The following RRP36 variants were observed in gnomAD, a reference collection of about 807,000 sequenced individuals.
The protein encoded by RRP36 is ribosomal RNA processing 36.
In RRP36, 44 loss-of-function variants were observed where a neutral mutation model predicts 39.8. That is an observed-to-expected ratio of 1.10 (90% CI 0.87 to 1.42). The LOEUF is 1.42. Ranked by LOEUF, RRP36 falls within the 40% of genes most tolerant of loss-of-function variation. RRP36 has a pLI of 0.00. For synonymous variants in RRP36, 124 were observed against 123.1 expected (o/e 1.01, Z -0.05); for missense variants, 316 against 322.4 (o/e 0.98, Z 0.15).
rs1762869878 is a variant in RRP36, at chr6:43,029,189, A to G, written c.741A>G (p.Ala247=). 1 of 1,614,140 alleles carries G rather than the reference A, an allele frequency of 6.2e-7. No individual in the cohort carries two copies. The change falls in exon 7 of 7, where the codon GCA becomes GCG. Residue 247 remains alanine (A), a synonymous_variant. Transcript: ENST00000244496. The part of the protein sequence containing the change: ...NFLSRKRRRN[A]GKDRRHLPLS... ...TGAGTCGAAAGAGGCGACGAAATGC[A>G]GGCAAGGACAGGAGACATCTCCCTT... is the stretch of plus-strand genomic sequence containing the variant.
Position 43,027,349 on chromosome 6 carries a change from T to G in RRP36, c.526-11T>G, listed in dbSNP as rs1187701268. 3 of 1,613,876 alleles carry G rather than the reference T, an allele frequency of 1.9e-6. No individual in the cohort carries two copies. The Admixed American group carries it at 5.0e-5, about 27-fold the overall frequency. ...TCCCTCCCGTTCACCCATCTCATCT[T>G]TGCTCCTCAGGAGCAGCAAGAAATG... On this transcript the variant is annotated splice_polypyrimidine_tract_variant and intron_variant, in intron 5 of 6. Transcript: ENST00000244496.
chr6:43,022,662 TCG>T (rs1762746300), intron 1 of RRP36, among the ~76,000 whole-genome samples: 2 of 143,738 alleles, frequency 1.4e-5, no homozygotes, highest in Admixed American at 1.4e-4. Flanking sequence ...TGACGGCGTC[TCG>T]CTCTGTTGCC....
chr6:43,022,206 C>T (rs535734572), intron 1 of RRP36, among the ~76,000 whole-genome samples: 1 of 152,016 alleles, frequency 6.6e-6, no homozygotes, highest in East Asian at 2.0e-4. Flanking sequence ...TCACGCCATT[C>T]TGCTGCCTCA....
intron 1 of RRP36, among the ~76,000 whole-genome samples, chr6:43,024,020 C>T (rs1186566379): frequency 6.6e-6 from 1 of 151,854 alleles, no homozygotes; most frequent in African/African-American, 2.4e-5. Flanking sequence ...TCATGCCCAG[C>T]TAATTTTTGT....
intron 1 of RRP36, among the ~76,000 whole-genome samples, chr6:43,023,093 AAGT>A (rs1762756203): frequency 6.6e-6 from 1 of 152,166 alleles, no homozygotes. Flanking sequence ...GTTGTGAATA[AAGT>A]AGTCAAACAC....
rs397973528 is a variant in RRP36 at position 43,027,712 on chromosome 6, A to ACC, written c.643+246_643+247dup. 4.0e-3 allele frequency among the ~76,000 whole-genome samples: 182 copies of ACC among 45,006 alleles called. 27 individuals carry two copies. The highest frequency in any genetic ancestry group is 0.016 in the Middle Eastern group (1 of 62). 29.5% of individuals were successfully genotyped at this position (45,006 alleles called of 152,430 possible). A position where few individuals can be genotyped will look rare whatever the true frequency, so the allele number is the denominator to read the frequency against. ...CTTGGTCTACACTCCCCACTTCCCA[A>ACC]CCCCCCCCCCCCAACACACACACAG... On this transcript the variant is annotated intron_variant, in intron 6 of 6. Coordinates refer to ENST00000244496, the MANE Select transcript of RRP36 (RefSeq NM_033112.4).
intron 5 of RRP36, 22 bp from the exon 6 acceptor site, chr6:43,027,338 C>G: frequency 6.2e-7 from 1 of 1,613,312 alleles, no homozygotes; most frequent in Non-Finnish European, 8.5e-7. Context: ...TCCCGTTCAC[C>G]CATCTCATCT....
chr6:43,025,997 T>C (rs1762807019), intron 3 of RRP36, 40 bp from the exon 4 acceptor site: 2 of 1,450,878 alleles, frequency 1.4e-6, no homozygotes, highest in Non-Finnish European at 1.9e-6. Flanking sequence ...GAAAGGAGAT[T>C]GAACAGTTGT....
intron 1 of RRP36, among the ~76,000 whole-genome samples, chr6:43,024,594 G>C (rs1762777476): frequency 6.6e-6 from 1 of 152,164 alleles, no homozygotes; most frequent in Non-Finnish European, 1.5e-5. Context: ...GAGACTAGGA[G>C]GCTAGAGCAC....
intron 4 of RRP36, among the ~76,000 whole-genome samples, chr6:43,026,783 T>C (rs1454743706): frequency 1.3e-5 from 2 of 151,986 alleles, no homozygotes; most frequent in Non-Finnish European, 2.9e-5. Context: ...GGCAGGTGGA[T>C]CACGAGGTCA....
At chr6:43,026,217 G>A in intron 4 of RRP36, 76 bp downstream of exon 4, 1 of 1,010,750 alleles carries the variant, frequency 9.9e-7, no homozygotes, top group Non-Finnish European at 1.5e-6. Context: ...AGTTGGGCAG[G>A]GGGAGTGGGA....
chr6:43,026,910 A>T lies in RRP36; in HGVS notation c.451-268A>T, dbSNP rs370802093. On this transcript the variant is annotated intron_variant, in intron 4 of 6. Coordinates refer to ENST00000244496, the MANE Select transcript of RRP36 (RefSeq NM_033112.4). ...AAATTTAGTCTCTACTAAAATAAAA[A>T]AAAAAATTAGCCGGGCGTGGTGGCA... Among the ~76,000 whole-genome samples the T allele has an allele frequency of 5.7e-3, 865 of 151,410 alleles. 7 individuals carry two copies. Among genetic ancestry groups the T allele is most frequent in the African/African-American group, 0.02 (820 of 41,010 alleles).
intron 4 of RRP36, 21 bp from the exon 5 acceptor site, chr6:43,027,157 T>TA: frequency 6.2e-7 from 1 of 1,610,964 alleles, no homozygotes; most frequent in Non-Finnish European, 8.5e-7. Context: ...CTAACCATGA[T>TA]ACTCATTTTC....
intron 1 of RRP36, among the ~76,000 whole-genome samples, chr6:43,022,323 C>G (rs1446845233): frequency 6.6e-6 from 1 of 152,090 alleles, no homozygotes; most frequent in Admixed American, 6.5e-5. Context: ...TGGTCTCGAT[C>G]TCCTGACCTC....
At chr6:43,023,452 T>C (rs1333605511) in intron 1 of RRP36, among the ~76,000 whole-genome samples, 8 of 151,158 alleles carry the variant, frequency 5.3e-5, no homozygotes. Flanking sequence ...TCCCAGCACT[T>C]TGGGAGGCCG....
chr6:43,025,714 G>A (rs1044674000), intron 3 of RRP36, among the ~76,000 whole-genome samples: 3 of 151,658 alleles, frequency 2.0e-5, no homozygotes, highest in South Asian at 2.1e-4. Context: ...GGCGAATCAC[G>A]AGGTCAGGAG....
At chr6:43,023,607 G>T (rs536272203) in intron 1 of RRP36, among the ~76,000 whole-genome samples, 4 of 151,934 alleles carry the variant, frequency 2.6e-5, no homozygotes, top group Admixed American at 2.0e-4. Flanking sequence ...CAGGAGAATC[G>T]CTTGAACCTG....
At position 43,026,111 on chromosome 6, in the gene RRP36, C is replaced by A. The variant is rs763977082; in HGVS notation, c.420C>A (p.Phe140Leu). 6 of 1,613,574 alleles carry A rather than the reference C, an allele frequency of 3.7e-6. No individual in the cohort carries two copies. In the African/African-American group the frequency reaches 8.0e-5, roughly 22 times the overall value. The change falls in exon 4 of 7, where the codon TTC becomes TTA. Residue 140 changes from phenylalanine to leucine, a missense_variant. Physicochemically the swap from Phe to Leu is conservative, Grantham distance 22. Transcript: ENST00000244496. ...AGGTGTTTGACAAAACATACCAATT[C>A]TTGAATGACATCCGAGCGAAAGAGA... ...NPEVFDKTYQFLNDIRAKEKE... is the reference protein window; with the variant it reads ...NPEVFDKTYQLLNDIRAKEKE...
At position 43,023,872 on chromosome 6, in the gene RRP36, T is replaced by TC. The variant is rs200747373; in HGVS notation, c.131-1111dup. 1.0e-3 allele frequency among the ~76,000 whole-genome samples: 157 copies of TC among 151,086 alleles called. No individual in the cohort carries two copies. The Middle Eastern group carries it at 0.017, about 16-fold the overall frequency. On this transcript the variant is annotated intron_variant, in intron 1 of 6. Coordinates refer to ENST00000244496, the MANE Select transcript of RRP36 (RefSeq NM_033112.4). ...GGAGAGGTTGCATTTTTTTTTTTTTTCCGAGATGGAGTCTCGCTCTGTCAC... is the reference window on the plus strand; with the variant it reads ...GGAGAGGTTGCATTTTTTTTTTTTTTCCCGAGATGGAGTCTCGCTCTGTCAC...
Sources: allele counts gnomAD v4.1 joint callset (sites outside exome capture counted in the v4.1 genomes callset), GRCh38; gene constraint gnomAD v4.1.1; transcripts MANE v1.5; gene names NCBI Gene and HGNC (gene_info 2026-07-23, HGNC 2026-07-21).